SAMD5: variants seen among roughly 807,000 people sequenced by gnomAD.
SAMD5 encodes sterile alpha motif domain containing 5.
Under a neutral mutation model 11.3 loss-of-function variants are expected in SAMD5, and 13 were observed. That is an observed-to-expected ratio of 1.15 (90% CI 0.75 to 1.83). SAMD5 has a LOEUF of 1.83. SAMD5 is among the 40% of genes most tolerant of loss of function. SAMD5 has a pLI of 0.00. For missense variants in SAMD5, 255 were observed against 239.1 expected (o/e 1.07, Z -0.44); for synonymous variants, 129 against 111.3 (o/e 1.16, Z -1.00).
downstream of SAMD5, among the ~76,000 whole-genome samples, chr6:147,739,946 A>G (rs1345302571): frequency 1.3e-5 from 2 of 151,922 alleles, no homozygotes; most frequent in Non-Finnish European, 2.9e-5. Flanking sequence ...CAGCCCCCCA[A>G]ATAGCTGGGA....
At chr6:147,733,794 T>C (rs1200352167) in intron 1 of SAMD5, 2 of 972,218 alleles carry the variant, frequency 2.1e-6, no homozygotes, top group Admixed American at 6.2e-5. Flanking sequence ...GAAAAGCTGT[T>C]TTAAAGCCAG....
Position 147,567,672 on chromosome 6 carries a change from G to A in SAMD5, c.*3216G>A. The A allele has an allele frequency of 3.0e-6, 3 of 985,326 alleles. No homozygotes were observed. Among genetic ancestry groups the A allele is most frequent in the Non-Finnish European group, 3.6e-6 (3 of 829,908 alleles). 61.0% of individuals were successfully genotyped at this position (985,326 alleles called of 1,614,324 possible). A position where few individuals can be genotyped will look rare whatever the true frequency, so the allele number is the denominator to read the frequency against. Reference sequence around the variant, plus strand: ...TCCCTTCCCTTCTTTACTCTCAGTTGTCTTATTTCTTCTTATGCAGAAGAG... The same window carrying A: ...TCCCTTCCCTTCTTTACTCTCAGTTATCTTATTTCTTCTTATGCAGAAGAG... On this transcript the variant is annotated 3_prime_UTR_variant, in exon 2 of 2. Transcript: ENST00000367474.
chr6:147,785,968 G>T, the SAMD5 span, among the ~76,000 whole-genome samples: 1 of 152,090 alleles, frequency 6.6e-6, no homozygotes, highest in African/African-American at 2.4e-5. Context: ...TTCTCCTGGC[G>T]GTTCTTGCAG....
intron 1 of SAMD5, among the ~76,000 whole-genome samples, chr6:147,656,927 T>TGC (rs1214214992): frequency 1.8e-4 from 27 of 152,010 alleles, no homozygotes; most frequent in African/African-American, 6.5e-4. Flanking sequence ...TGTGTGTGTG[T>TGC]GTGTGTATCC....
At chr6:147,812,641 G>A in the SAMD5 span, among the ~76,000 whole-genome samples, 1 of 152,148 alleles carries the variant, frequency 6.6e-6, no homozygotes, top group African/African-American at 2.4e-5. Context: ...GACACAGCCT[G>A]TGAGGTTGCA....
chr6:147,523,396 G>A (rs187100511), intron 1 of SAMD5, among the ~76,000 whole-genome samples: 34 of 152,270 alleles, frequency 2.2e-4, no homozygotes, highest in Non-Finnish European at 4.1e-4. Context: ...ACAGGGTACA[G>A]GAATAGTATT....
the SAMD5 span, among the ~76,000 whole-genome samples, chr6:147,816,406 A>G: frequency 6.8e-6 from 1 of 147,746 alleles, no homozygotes; most frequent in South Asian, 2.1e-4. Flanking sequence ...AAATTACTGG[A>G]TCAGAGTATT....
intron 1 of SAMD5, among the ~76,000 whole-genome samples, chr6:147,666,648 A>G (rs1007236006): frequency 6.6e-6 from 1 of 152,170 alleles, no homozygotes; most frequent in South Asian, 2.1e-4. Context: ...CAGATTTAAA[A>G]TGAGGTGATT....
At chr6:147,518,367 C>A (rs534922468) in intron 1 of SAMD5, among the ~76,000 whole-genome samples, 86 of 152,128 alleles carry the variant, frequency 5.7e-4, no homozygotes, top group Non-Finnish European at 1.1e-3. Context: ...ATTAAAGCTG[C>A]CCTCATGAAC....
chr6:147,636,325 A>T (rs969451103), intron 1 of SAMD5, among the ~76,000 whole-genome samples: 5 of 152,150 alleles, frequency 3.3e-5, no homozygotes, highest in African/African-American at 1.2e-4. Flanking sequence ...AACACCAAGA[A>T]ATGCCATTTT....
At chr6:147,622,641 T>G (rs912239079) in intron 1 of SAMD5, among the ~76,000 whole-genome samples, 1 of 152,168 alleles carries the variant, frequency 6.6e-6, no homozygotes, top group African/African-American at 2.4e-5. Context: ...CTGGTGAAAA[T>G]GGGCTTTCTC....
chr6:147,610,470 A>G (rs1056993222), intron 1 of SAMD5, among the ~76,000 whole-genome samples: 2 of 152,160 alleles, frequency 1.3e-5, no homozygotes, highest in African/African-American at 4.8e-5. Context: ...CCCCACTGCC[A>G]TCTGTTATGC....
chr6:147,618,203 G>T (rs1318246047), intron 1 of SAMD5, among the ~76,000 whole-genome samples: 2 of 152,174 alleles, frequency 1.3e-5, no homozygotes, highest in African/African-American at 4.8e-5. Flanking sequence ...CTGGGCACTG[G>T]GCTGGATGCT....
chr6:147,925,386 G>A, the SAMD5 span, among the ~76,000 whole-genome samples: 1 of 152,086 alleles, frequency 6.6e-6, no homozygotes, highest in Non-Finnish European at 1.5e-5. Flanking sequence ...TGTTGTTTAA[G>A]CCACCAGTCT....
the SAMD5 span, among the ~76,000 whole-genome samples, chr6:147,939,305 T>C: frequency 6.6e-6 from 1 of 152,110 alleles, no homozygotes; most frequent in Non-Finnish European, 1.5e-5. Context: ...GAATGATTGA[T>C]TAAATCATTG....
chr6:147,577,509 T>C, intron 1 of SAMD5, among the ~76,000 whole-genome samples: 1 of 152,180 alleles, frequency 6.6e-6, no homozygotes, highest in East Asian at 1.9e-4. Context: ...TTTTCTCTCT[T>C]TCCTTTTTGG....
At chr6:147,690,967 GTT>G (rs35385533) in intron 1 of SAMD5, among the ~76,000 whole-genome samples, 17 of 73,398 alleles carry the variant, frequency 2.3e-4, no homozygotes, top group Non-Finnish European at 2.9e-4. Context: ...CAGCTCTCGG[GTT>G]TTTTTTTTTT....
the SAMD5 span, among the ~76,000 whole-genome samples, chr6:147,882,074 T>C: frequency 6.6e-6 from 1 of 152,186 alleles, no homozygotes. Flanking sequence ...TAACTTATCA[T>C]GTGTCTCTCC....
At chr6:147,930,253 T>G in the SAMD5 span, among the ~76,000 whole-genome samples, 1 of 152,140 alleles carries the variant, frequency 6.6e-6, no homozygotes. Flanking sequence ...TATCAGCATT[T>G]TGGTTACAAC....
Sources: gnomAD v4.1 joint callset for allele counts (sites outside exome capture counted in the v4.1 genomes callset) on GRCh38, gnomAD v4.1.1 for gene constraint, MANE v1.5 for transcripts, NCBI Gene and HGNC (gene_info 2026-07-23, HGNC 2026-07-21) for gene names.